Variants in FAM181B observed in about 807,000 individuals in gnomAD.
FAM181B encodes family with sequence similarity 181 member B, also known as protein FAM181B.
Under a neutral mutation model 17.8 loss-of-function variants are expected in FAM181B, and 13 were observed. The observed-to-expected ratio is 0.73, with a 90% CI of 0.48 to 1.16. FAM181B has a LOEUF of 1.16. Among genes scored for constraint, FAM181B ranks in the 50% most tolerant of loss-of-function variants. The pLI is 0.00. For missense variants in FAM181B, 725 were observed against 634.1 expected (o/e 1.14, Z -1.54); for synonymous variants, 338 against 316.5 (o/e 1.07, Z -0.72).
In FAM181B at chr11:82,733,153, G is replaced by T; in HGVS notation, c.577C>A (p.Leu193Ile). Residue 193 changes from leucine (L) to isoleucine (I), a missense_variant, in exon 1 of 1, where the codon CTA becomes ATA. Transcript: ENST00000329203. The part of the protein sequence containing the change: ...GGEVAAPAAG[L>I]GGAGTGGAGG... ...GCGCCCCCAGTGCCCGCACCTCCTA[G>T]CCCGGCCGCCGGCGCAGCCACCTCA... is the stretch of plus-strand genomic sequence containing the variant. 1 of 1,410,778 alleles carries T rather than the reference G, an allele frequency of 7.1e-7. No homozygotes were observed. The highest frequency in any genetic ancestry group is 9.2e-7 in the Non-Finnish European group (1 of 1,091,184). 87.4% of individuals were successfully genotyped at this position (1,410,778 alleles called of 1,614,324 possible). A position where few individuals can be genotyped will look rare whatever the true frequency, so the allele number is the denominator to read the frequency against.
At position 82,733,694 on chromosome 11, in the gene FAM181B, A is replaced by G; in HGVS notation, c.36T>C (p.Pro12=). 3 of 1,518,850 alleles carry G rather than the reference A, an allele frequency of 2.0e-6. No individual in the cohort carries two copies. Among genetic ancestry groups the G allele is most frequent in the Non-Finnish European group, 2.6e-6 (3 of 1,137,058 alleles). 94.1% of individuals were successfully genotyped at this position (1,518,850 alleles called of 1,614,324 possible). A position where few individuals can be genotyped will look rare whatever the true frequency, so the allele number is the denominator to read the frequency against. Residue 12 remains proline (P), a synonymous_variant, in exon 1 of 1, where the codon CCT becomes CCC. Transcript: ENST00000329203. The part of the protein sequence containing the change: ...AVQAALLSTH[P]FVPFGFGGSP... ...AGCCCCCGAAGCCGAAGGGCACGAA[A>G]GGGTGCGTGCTGAGGAGCGCCGCCT...
Position 82,730,500 on chromosome 11 carries a change from T to C in FAM181B, c.*1949A>G, listed in dbSNP as rs1857116968. The stretch of plus-strand genomic sequence containing the variant: ...TACTGTGCAAGTGTATCCTGGATTG[T>C]ATTCACAACAGTTTAGACAAATTAA... On this transcript the variant is annotated 3_prime_UTR_variant, in exon 1 of 1. Coordinates refer to ENST00000329203, the MANE Select transcript of FAM181B (RefSeq NM_175885.4). The C allele has an allele frequency of 6.6e-6, 1 of 152,236 alleles. No homozygotes were observed. Among genetic ancestry groups the C allele is most frequent in the Non-Finnish European group, 1.5e-5 (1 of 68,044 alleles). 9.4% of individuals were successfully genotyped at this position (152,236 alleles called of 1,614,324 possible). A position where few individuals can be genotyped will look rare whatever the true frequency, so the allele number is the denominator to read the frequency against.
At position 82,733,380 on chromosome 11, in the gene FAM181B, G is replaced by A. The variant is rs941412078; in HGVS notation, c.350C>T (p.Ser117Phe). Residue 117 changes from serine (S) to phenylalanine (F), a missense_variant, in exon 1 of 1, where the codon TCC becomes TTC. Ser to Phe is a radical substitution (Grantham distance 155, BLOSUM62 -2). Transcript: ENST00000329203. ...LMGAAPPGPP[S>F]PSAADTPAKR... is the part of the protein sequence containing the mutation. ...GGCTGGCGTGTCGGCGGCGCTCGGG[G>A]AGGGCGGGCCGGGGGGCGCGGCGCC... 19 of 1,437,974 alleles carry A rather than the reference G, an allele frequency of 1.3e-5. No individual in the cohort carries two copies. Among genetic ancestry groups the A allele is most frequent in the Non-Finnish European group, 1.6e-5 (18 of 1,092,366 alleles). 89.1% of individuals were successfully genotyped at this position (1,437,974 alleles called of 1,614,324 possible).
At position 82,730,630 on chromosome 11, in the gene FAM181B, T is replaced by C. The variant is rs1857118438; in HGVS notation, c.*1819A>G. ...GCTTTCTGGAGTTGCAAAAGTTCTT[T>C]TCATCATTAACAGTACTCGTTCTAT... On this transcript the variant is annotated 3_prime_UTR_variant, in exon 1 of 1. Transcript: ENST00000329203. 6.6e-6 allele frequency: 1 copy of C among 152,240 alleles called. No homozygotes were observed. The highest frequency in any genetic ancestry group is 2.4e-5 in the African/African-American group (1 of 41,462). The allele number at this position is 152,240 out of a possible 1,614,324, so 9.4% of individuals were successfully genotyped here. A position where few individuals can be genotyped will look rare whatever the true frequency, so the allele number is the denominator to read the frequency against.
In FAM181B at chr11:82,732,331, TA is replaced by T; in HGVS notation, c.*117del. ...AAGTTGCTTTTATTAATTGAATTTT[TA>T]AAAATCTGGTTTCATCTCCACGTGC... is the stretch of plus-strand genomic sequence containing the variant. On this transcript the variant is annotated 3_prime_UTR_variant, in exon 1 of 1. Coordinates refer to ENST00000329203, the MANE Select transcript of FAM181B (RefSeq NM_175885.4). 9.9e-7 allele frequency: 1 copy of T among 1,010,142 alleles called. No individual in the cohort carries two copies. Among genetic ancestry groups the T allele is most frequent in the Non-Finnish European group, 1.4e-6 (1 of 704,420 alleles). 62.6% of individuals were successfully genotyped at this position (1,010,142 alleles called of 1,614,324 possible).
In FAM181B at chr11:82,733,319, G is replaced by T; in HGVS notation, c.411C>A (p.Val137=). 8.0e-7 allele frequency: 1 copy of T among 1,248,068 alleles called. No homozygotes were observed. The highest frequency in any genetic ancestry group is 1.0e-6 in the Non-Finnish European group (1 of 999,206). 77.3% of individuals were successfully genotyped at this position (1,248,068 alleles called of 1,614,324 possible). Residue 137 remains valine, a synonymous_variant, in exon 1 of 1, where the codon GTC becomes GTA. Transcript: ENST00000329203. ...RPLAAPSAPT[V]AAPAHGKAAP... is the part of the protein sequence containing the mutation. ...CAGCCTTGCCGTGGGCCGGGGCCGC[G>T]ACTGTCGGGGCGCTAGGGGCGGCCA...
At position 82,733,586 on chromosome 11, in the gene FAM181B, A is replaced by C. The variant is rs756966935; in HGVS notation, c.144T>G (p.Gly48=). The C allele has an allele frequency of 6.2e-7, 1 of 1,601,290 alleles. No homozygotes were observed. The highest frequency in any genetic ancestry group is 8.5e-7 in the Non-Finnish European group (1 of 1,178,258). ...CTCCTTCGGCTCCCGACAGCAGCGCACCCGCCGGAGCCCCGGTCTCATCGT... is the reference window on the plus strand; with the variant it reads ...CTCCTTCGGCTCCCGACAGCAGCGCCCCCGCCGGAGCCCCGGTCTCATCGT... ...FEDDETGAPA[G]ALLSGAEGGD... The change falls in exon 1 of 1, where the codon GGT becomes GGG. Residue 48 remains glycine (G), a synonymous_variant. Coordinates refer to ENST00000329203, the MANE Select transcript of FAM181B (RefSeq NM_175885.4).
chr11:82,732,714 G>C lies in FAM181B; in HGVS notation c.1016C>G (p.Ala339Gly), dbSNP rs917562402. The change falls in exon 1 of 1, where the codon GCC becomes GGC. Residue 339 changes from alanine to glycine, a missense_variant. Coordinates refer to ENST00000329203, the MANE Select transcript of FAM181B (RefSeq NM_175885.4). ...GTTCAAGGTCAAGCCGCCGCGGGGG[G>C]CAGTCAGGGGGCTCTTTTTGGTCGG... ...CSPTKKSPLT[A>G]PRGGLTLNEP... 4 of 1,456,684 alleles carry C rather than the reference G, an allele frequency of 2.7e-6. No homozygotes were observed. In the African/African-American group the frequency reaches 5.8e-5, roughly 21 times the overall value. The allele number at this position is 1,456,684 out of a possible 1,614,324, so 90.2% of individuals were successfully genotyped here. A position where few individuals can be genotyped will look rare whatever the true frequency, so the allele number is the denominator to read the frequency against.
In FAM181B at chr11:82,733,803, C is replaced by G; in HGVS notation, c.-74G>C. ...GCTCCTGCCCGCCGCCCAGACCCAG[C>G]TCCCGCCCCGGCGCGGCGCGCGCGG... is the stretch of plus-strand genomic sequence containing the variant. On this transcript the variant is annotated 5_prime_UTR_variant, in exon 1 of 1. Coordinates refer to ENST00000329203, the MANE Select transcript of FAM181B (RefSeq NM_175885.4). 1 of 1,176,106 alleles carries G rather than the reference C, an allele frequency of 8.5e-7. No individual in the cohort carries two copies. Among genetic ancestry groups the G allele is most frequent in the East Asian group, 3.6e-5 (1 of 28,164 alleles). The allele number at this position is 1,176,106 out of a possible 1,614,324, so 72.9% of individuals were successfully genotyped here.
At position 82,732,668 on chromosome 11, in the gene FAM181B, G is replaced by C; in HGVS notation, c.1062C>G (p.Tyr354Ter). The C allele has an allele frequency of 6.7e-7, 1 of 1,483,774 alleles. No homozygotes were observed. The highest frequency in any genetic ancestry group is 9.0e-7 in the Non-Finnish European group (1 of 1,116,492). The allele number at this position is 1,483,774 out of a possible 1,614,324, so 91.9% of individuals were successfully genotyped here. ...CGCCGGGAGAATCCGCAGCGGCGGG[G>C]TACAGGGGGCTCAAGGGCTCGTTCA... ...LTLNEPLSPL[Y>*]PAAADSPGGE... is the part of the protein sequence containing the mutation. The change falls in exon 1 of 1, where the codon TAC becomes TAG. Residue 354 changes from tyrosine (Y) to a stop codon, truncating the protein, a stop_gained. Coordinates refer to ENST00000329203, the MANE Select transcript of FAM181B (RefSeq NM_175885.4). LOFTEE classifies it high-confidence loss of function.
Position 82,733,736 on chromosome 11 carries a change from G to A in FAM181B, c.-7C>T. 4 of 1,399,896 alleles carry A rather than the reference G, an allele frequency of 2.9e-6. No homozygotes were observed. Among genetic ancestry groups the A allele is most frequent in the Non-Finnish European group, 3.7e-6 (4 of 1,078,284 alleles). The allele number at this position is 1,399,896 out of a possible 1,614,324, so 86.7% of individuals were successfully genotyped here. On this transcript the variant is annotated 5_prime_UTR_variant, in exon 1 of 1. Transcript: ENST00000329203. ...GCGCCGCCTGCACCGCCATCGCCGC[G>A]GCTCCCGGGCTGTCCGCAGCGCTGC... is the stretch of plus-strand genomic sequence containing the variant.
Position 82,733,153 on chromosome 11 carries a change from G to C in FAM181B, c.577C>G (p.Leu193Val). ...GCGCCCCCAGTGCCCGCACCTCCTA[G>C]CCCGGCCGCCGGCGCAGCCACCTCA... ...GGEVAAPAAG[L>V]GGAGTGGAGG... The change falls in exon 1 of 1, where the codon CTA becomes GTA. Residue 193 changes from leucine to valine, a missense_variant. Coordinates refer to ENST00000329203, the MANE Select transcript of FAM181B (RefSeq NM_175885.4). 7.1e-7 allele frequency: 1 copy of C among 1,410,778 alleles called. No homozygotes were observed. Among genetic ancestry groups the C allele is most frequent in the Non-Finnish European group, 9.2e-7 (1 of 1,091,184 alleles). 87.4% of individuals were successfully genotyped at this position (1,410,778 alleles called of 1,614,324 possible). A position where few individuals can be genotyped will look rare whatever the true frequency, so the allele number is the denominator to read the frequency against.
chr11:82,732,991 C>G lies in FAM181B; in HGVS notation c.739G>C (p.Gly247Arg). The change falls in exon 1 of 1, where the codon GGG becomes CGG. Residue 247 changes from glycine to arginine, a missense_variant. Gly to Arg is a moderately radical substitution (Grantham distance 125). Coordinates refer to ENST00000329203, the MANE Select transcript of FAM181B (RefSeq NM_175885.4). ...RAGGGGCGPS[G>R]PDVSLGDLEK... ...AGGTCGCCCAAGCTCACGTCCGGCCCCGACGGGCCACACCCGCCGCCGCCT... is the reference window on the plus strand; with the variant it reads ...AGGTCGCCCAAGCTCACGTCCGGCCGCGACGGGCCACACCCGCCGCCGCCT... 6.4e-7 allele frequency: 1 copy of G among 1,560,252 alleles called. No homozygotes were observed. Among genetic ancestry groups the G allele is most frequent in the Non-Finnish European group, 8.6e-7 (1 of 1,162,926 alleles).
rs1471190459 is a variant in FAM181B, at chr11:82,730,332, T to C, written c.*2117A>G. On this transcript the variant is annotated 3_prime_UTR_variant, in exon 1 of 1. Coordinates refer to ENST00000329203, the MANE Select transcript of FAM181B (RefSeq NM_175885.4). ...GATGCGGAAACAATGTTGATATTAT[T>C]ATTAATTAAACGTATAGCAAGCAAA... 1.3e-5 allele frequency: 2 copies of C among 152,194 alleles called. No homozygotes were observed. Among genetic ancestry groups the C allele is most frequent in the East Asian group, 3.9e-4 (2 of 5,192 alleles). The allele number at this position is 152,194 out of a possible 1,614,324, so 9.4% of individuals were successfully genotyped here.
chr11:82,733,682 G>A lies in FAM181B; in HGVS notation c.48C>T (p.Phe16=), dbSNP rs1857172675. Residue 16 remains phenylalanine (F), a synonymous_variant, in exon 1 of 1, where the codon TTC becomes TTT. Transcript: ENST00000329203. ...GCCCGTCCGGGGAGCCCCCGAAGCC[G>A]AAGGGCACGAAAGGGTGCGTGCTGA... ...ALLSTHPFVP[F]GFGGSPDGLG... is the part of the protein sequence containing the mutation. The A allele has an allele frequency of 2.0e-6, 3 of 1,533,326 alleles. No homozygotes were observed. The highest frequency in any genetic ancestry group is 2.4e-5 in the South Asian group (2 of 82,736). 95.0% of individuals were successfully genotyped at this position (1,533,326 alleles called of 1,614,324 possible).
Position 82,733,138 on chromosome 11 carries a change from T to G in FAM181B, c.592A>C (p.Thr198Pro), listed in dbSNP as rs769999892. 7.6e-6 allele frequency: 11 copies of G among 1,450,914 alleles called. No homozygotes were observed. Among genetic ancestry groups the G allele is most frequent in the African/African-American group, 5.9e-5 (4 of 67,364 alleles). The allele number at this position is 1,450,914 out of a possible 1,614,324, so 89.9% of individuals were successfully genotyped here. Residue 198 changes from threonine (T) to proline (P), a missense_variant, in exon 1 of 1, where the codon ACT (threonine) becomes CCT (proline). By Grantham distance (38) the Thr-to-Pro change is conservative. Coordinates refer to ENST00000329203, the MANE Select transcript of FAM181B (RefSeq NM_175885.4). ...APAAGLGGAGTGGAGGDVAGP... is the reference protein window; with the variant it reads ...APAAGLGGAGPGGAGGDVAGP... Reference sequence around the variant, plus strand: ...GCCACGTCCCCTCCCGCGCCCCCAGTGCCCGCACCTCCTAGCCCGGCCGCC... The same window carrying G: ...GCCACGTCCCCTCCCGCGCCCCCAGGGCCCGCACCTCCTAGCCCGGCCGCC...
chr11:82,732,528 C>A lies in FAM181B; in HGVS notation c.1202G>T (p.Arg401Leu). ...VSYDYSAGYS[R>L]TAYSSLWRSD... ...TCTCCAAAGGCTGGAATAGGCGGTG[C>A]GGCTGTAGCCCGCGCTGTAATCGTA... is the stretch of plus-strand genomic sequence containing the variant. The change falls in exon 1 of 1, where the codon CGC becomes CTC. Residue 401 changes from arginine to leucine, a missense_variant. By Grantham distance (102) the Arg-to-Leu change is moderately radical. Coordinates refer to ENST00000329203, the MANE Select transcript of FAM181B (RefSeq NM_175885.4). 6.2e-7 allele frequency: 1 copy of A among 1,612,342 alleles called. No homozygotes were observed. Among genetic ancestry groups the A allele is most frequent in the South Asian group, 1.1e-5 (1 of 91,020 alleles).
Position 82,733,846 on chromosome 11 carries a change from G to A in FAM181B, c.-117C>T, listed in dbSNP as rs900510926. On this transcript the variant is annotated 5_prime_UTR_variant, in exon 1 of 1. Coordinates refer to ENST00000329203, the MANE Select transcript of FAM181B (RefSeq NM_175885.4). Reference sequence around the variant, plus strand: ...GCGCGCGGCGCAGCCTACTAGTTCCGGGCCTGGCTCGCTGCGCTGCCTCCC... The same window carrying A: ...GCGCGCGGCGCAGCCTACTAGTTCCAGGCCTGGCTCGCTGCGCTGCCTCCC... 1.2e-6 allele frequency: 1 copy of A among 850,778 alleles called. No homozygotes were observed. Among genetic ancestry groups the A allele is most frequent in the Non-Finnish European group, 1.5e-6 (1 of 661,898 alleles). The allele number at this position is 850,778 out of a possible 1,614,324, so 52.7% of individuals were successfully genotyped here.
In FAM181B at chr11:82,733,515, G is replaced by C. The variant is rs1010580111; in HGVS notation, c.215C>G (p.Ser72Trp). 2.5e-6 allele frequency: 4 copies of C among 1,609,280 alleles called. No individual in the cohort carries two copies. Among genetic ancestry groups the C allele is most frequent in the Middle Eastern group, 1.6e-4 (1 of 6,080 alleles). Residue 72 changes from serine to tryptophan, a missense_variant, in exon 1 of 1, where the codon TCG becomes TGG. Ser to Trp is a radical substitution (Grantham distance 177). Coordinates refer to ENST00000329203, the MANE Select transcript of FAM181B (RefSeq NM_175885.4). The stretch of plus-strand genomic sequence containing the variant: ...CGCCAGCTTGATGTTGCTGGACGCC[G>C]AGTCAATGAAGCTGAGTAGATCGCG... ...ATRDLLSFID[S>W]ASSNIKLALD... is the part of the protein sequence containing the mutation.
Sources: allele counts gnomAD v4.1 joint callset, GRCh38; gene constraint gnomAD v4.1.1; transcripts MANE v1.5; gene names NCBI Gene and HGNC (gene_info 2026-07-23, HGNC 2026-07-21).